The following BCAS4 variants were observed in gnomAD, a reference collection of about 807,000 sequenced individuals.
BCAS4 encodes the protein breast carcinoma-amplified sequence 4.
In BCAS4, 9 loss-of-function variants were observed where a neutral mutation model predicts 15.7. That is an observed-to-expected ratio of 0.57 (90% confidence interval 0.34 to 1.00). BCAS4 has a LOEUF of 1.00. Ranked by LOEUF, BCAS4 falls within the 50% of genes least tolerant of loss-of-function variation. The pLI, the probability that BCAS4 is intolerant of heterozygous loss-of-function variation, is 0.02. For missense variants in BCAS4, 225 were observed against 239.1 expected, an observed-to-expected ratio of 0.94 and a Z score of 0.39; for synonymous variants, 101 against 99.5, an observed-to-expected ratio of 1.02 and a Z score of -0.09.
At chr20:50,806,863 T>C (rs2087996181) in intron 1 of BCAS4, among the ~76,000 whole-genome samples, 1 of 47,252 alleles carries the variant, frequency 2.1e-5, no homozygotes, top group Non-Finnish European at 3.5e-5. Flanking sequence ...CCATTTATAC[T>C]TTTTTTTTTT....
intron 4 of BCAS4, among the ~76,000 whole-genome samples, chr20:50,870,551 G>T (rs1979586382): frequency 6.6e-6 from 1 of 152,248 alleles, no homozygotes; most frequent in Non-Finnish European, 1.5e-5. Context: ...GCCAGACGCA[G>T]CAGGTTACAG....
Position 50,795,062 on chromosome 20 carries a change from G to C in BCAS4, c.-22G>C, listed in dbSNP as rs1469930898. 1 of 1,486,354 alleles carries C rather than the reference G, an allele frequency of 6.7e-7. No individual in the cohort carries two copies. Among genetic ancestry groups the C allele is most frequent in the Non-Finnish European group, 8.9e-7 (1 of 1,118,626 alleles). 92.1% of individuals were successfully genotyped at this position (1,486,354 alleles called of 1,614,324 possible). ...ACGGGCTCCCAGGCAGCCTCCGCCA[G>C]CCGGACCCCGTCGCCCTCCTGATGC... On this transcript the variant is annotated 5_prime_UTR_variant, in exon 1 of 5. Transcript: ENST00000371608.
rs186667854 is a variant in BCAS4, at chr20:50,839,358, A to G, written c.265-2408A>G. Among the ~76,000 whole-genome samples the G allele has an allele frequency of 2.1e-4, 32 of 152,346 alleles. No homozygotes were observed. In the East Asian group the frequency reaches 4.8e-3, roughly 23 times the overall value. On this transcript the variant is annotated intron_variant, in intron 3 of 4. Transcript: ENST00000371608. ...GAGTTACATTTTACTGGGCCTGAAC[A>G]GTATTTTTTTTTAAAGTGTAGATTT...
chr20:50,816,619 T>C (rs2088140315), intron 1 of BCAS4, among the ~76,000 whole-genome samples: 1 of 152,046 alleles, frequency 6.6e-6, no homozygotes, highest in South Asian at 2.1e-4. Flanking sequence ...CCTGTTTCAC[T>C]CATTTATGTT....
chr20:50,799,774 G>A (rs891019793), intron 1 of BCAS4, among the ~76,000 whole-genome samples: 1 of 152,188 alleles, frequency 6.6e-6, no homozygotes, highest in Non-Finnish European at 1.5e-5. Flanking sequence ...CACATAACAA[G>A]GCCAGACACA....
intron 4 of BCAS4, among the ~76,000 whole-genome samples, chr20:50,865,391 G>A (rs758378640): frequency 2.0e-5 from 3 of 152,100 alleles, no homozygotes; most frequent in East Asian, 1.9e-4. Context: ...GGAGGGTGCC[G>A]TGACACCGAC....
intron 1 of BCAS4, among the ~76,000 whole-genome samples, chr20:50,812,344 AG>A (rs747332714): frequency 7.9e-5 from 12 of 151,560 alleles, no homozygotes; most frequent in South Asian, 2.1e-4. Flanking sequence ...CGTGTTAGCC[AG>A]GATGGTCTCG....
At chr20:50,836,184 G>A (rs1057086272) in intron 3 of BCAS4, among the ~76,000 whole-genome samples, 1 of 152,156 alleles carries the variant, frequency 6.6e-6, no homozygotes, top group Non-Finnish European at 1.5e-5. Context: ...CCAAAGTGGT[G>A]GGATTACCGG....
intron 3 of BCAS4, among the ~76,000 whole-genome samples, chr20:50,834,223 A>G (rs759691373): frequency 6.6e-6 from 1 of 150,824 alleles, no homozygotes; most frequent in African/African-American, 2.4e-5. Flanking sequence ...TTTTTGATTC[A>G]TTCATTCATT....
rs146867809 is a variant in BCAS4, at chr20:50,859,592, G to A, written c.400-16894G>A. ...CTGGGGCCAGTGGGAGGCTCAGCCT[G>A]GAGGCTCTGAGACCTGCTCAGCCCT... On this transcript the variant is annotated intron_variant, in intron 4 of 4. Transcript: ENST00000371608. 1.1e-3 allele frequency among the ~76,000 whole-genome samples: 169 copies of A among 152,296 alleles called. 1 individual carries two copies. The highest frequency in any genetic ancestry group is 3.8e-3 in the African/African-American group (158 of 41,562).
chr20:50,876,586 G>T lies in BCAS4; in HGVS notation c.500G>T (p.Arg167Leu), dbSNP rs766382110. The change falls in exon 5 of 5, where the codon CGC (arginine) becomes CTC (leucine). Residue 167 changes from arginine to leucine, a missense_variant. By Grantham distance (102) the Arg-to-Leu change is moderately radical. Transcript: ENST00000371608. ...GCCGGGGAAGCACAGCACCACCCCC[G>T]CACCTGCCCTCGGCCTTTGTGAGCT... ...VDAGEAQHHP[R>L]TCPRPL is the part of the protein sequence containing the mutation. 7 of 1,614,004 alleles carry T rather than the reference G, an allele frequency of 4.3e-6. No individual in the cohort carries two copies. The South Asian group carries it at 5.5e-5, about 13-fold the overall frequency.
intron 2 of BCAS4, 36 bp downstream of exon 2, chr20:50,818,318 A>G (rs1424302586): frequency 2.5e-6 from 3 of 1,188,552 alleles, no homozygotes; most frequent in East Asian, 5.3e-5. Context: ...GTTTAGGCCC[A>G]GGCCAGACTT....
chr20:50,812,568 T>G (rs1485909659), intron 1 of BCAS4, among the ~76,000 whole-genome samples: 1 of 151,808 alleles, frequency 6.6e-6, no homozygotes. Flanking sequence ...GCCACCCAAG[T>G]AGCTGAGACT....
intron 1 of BCAS4, among the ~76,000 whole-genome samples, chr20:50,816,584 A>T (rs1223901082): frequency 6.6e-6 from 1 of 152,024 alleles, no homozygotes; most frequent in East Asian, 1.9e-4. Flanking sequence ...CTGGATGAGC[A>T]CCTCTCAGAT....
At chr20:50,830,469 G>A (rs2088330925) in intron 3 of BCAS4, 89 bp downstream of exon 3, 1 of 1,093,518 alleles carries the variant, frequency 9.1e-7, no homozygotes, top group Non-Finnish European at 1.3e-6. Flanking sequence ...CCTTGAGCAT[G>A]TCAGGCATTA....
intron 2 of BCAS4, among the ~76,000 whole-genome samples, chr20:50,829,491 C>G (rs1305593540): frequency 3.3e-5 from 5 of 152,130 alleles, no homozygotes; most frequent in Admixed American, 6.5e-5. Flanking sequence ...GATCCACCTA[C>G]CTCGGCCTCC....
chr20:50,837,222 T>C (rs745645874), intron 3 of BCAS4, among the ~76,000 whole-genome samples: 5 of 152,170 alleles, frequency 3.3e-5, no homozygotes, highest in Non-Finnish European at 7.4e-5. Flanking sequence ...AAAGTTTATG[T>C]TCCCCCCTCC....
Position 50,875,893 on chromosome 20 carries a change from A to G in BCAS4, c.400-593A>G, listed in dbSNP as rs374956543. 1,006 of 453,876 alleles carry G rather than the reference A, an allele frequency of 2.2e-3. 10 individuals carry two copies. Among genetic ancestry groups the G allele is most frequent in the South Asian group, 0.011 (715 of 64,266 alleles). 28.1% of individuals were successfully genotyped at this position (453,876 alleles called of 1,614,324 possible). On this transcript the variant is annotated intron_variant, in intron 4 of 4. Coordinates refer to ENST00000371608, the MANE Select transcript of BCAS4 (RefSeq NM_198799.4). ...GTATAGGTCCCTTTGTCACATGTCT[A>G]CCCTTCTCACCTTGCTTTCTTAGTC...
chr20:50,844,090 G>A (rs1332444059), intron 4 of BCAS4, among the ~76,000 whole-genome samples: 2 of 151,562 alleles, frequency 1.3e-5, no homozygotes, highest in African/African-American at 4.9e-5. Flanking sequence ...TGGAGGTTTC[G>A]GTGAGCCGAG....
Sources: allele counts gnomAD v4.1 joint callset (sites outside exome capture counted in the v4.1 genomes callset), GRCh38; gene constraint gnomAD v4.1.1; transcripts MANE v1.5; gene names NCBI Gene and HGNC (gene_info 2026-07-23, HGNC 2026-07-21).